Variants in COLEC10 observed in about 807,000 individuals in gnomAD.
COLEC10 encodes collectin-10.
A neutral mutation model predicts 28.4 loss-of-function variants in COLEC10; 22 were observed. That is an observed-to-expected ratio of 0.78 (90% CI 0.55 to 1.11). COLEC10 has a LOEUF of 1.11. Among genes scored for constraint, COLEC10 ranks in the 50% least tolerant of loss-of-function variants. COLEC10 has a pLI of 0.00. For missense variants in COLEC10, 361 were observed against 344.1 expected (o/e 1.05, Z -0.39); for synonymous variants, 125 against 116.1 (o/e 1.08, Z -0.49).
chr8:118,980,440 G>A, the COLEC10 span, among the ~76,000 whole-genome samples: 1 of 151,794 alleles, frequency 6.6e-6, no homozygotes, highest in Admixed American at 6.6e-5. Context: ...TGATCTGCCG[G>A]TCTCTTCCTC....
At chr8:119,100,204 G>C (rs1188600401) in intron 3 of COLEC10, among the ~76,000 whole-genome samples, 1 of 152,070 alleles carries the variant, frequency 6.6e-6, no homozygotes, top group Non-Finnish European at 1.5e-5. Context: ...CACCATGAAA[G>C]GGGGGTTAGA....
At chr8:119,011,763 CT>C (rs1219803069) in intron 2 of COLEC10, among the ~76,000 whole-genome samples, 1 of 150,766 alleles carries the variant, frequency 6.6e-6, no homozygotes, top group East Asian at 1.9e-4. Flanking sequence ...TTGTTTCTTG[CT>C]GGCATATAGA....
chr8:119,072,393 AG>A (rs1339881023), intron 1 of COLEC10, among the ~76,000 whole-genome samples: 1 of 152,096 alleles, frequency 6.6e-6, no homozygotes, highest in Non-Finnish European at 1.5e-5. Context: ...TTGAGCAAAA[AG>A]GTTTTATTAT....
chr8:119,067,245 G>A, upstream of COLEC10: 8 of 1,604,812 alleles, frequency 5.0e-6, no homozygotes, highest in Non-Finnish European at 6.8e-6. Flanking sequence ...TGTTTATTTG[G>A]CATTTCTGGG....
At chr8:119,050,084 C>T (rs930499892) in intron 2 of COLEC10, among the ~76,000 whole-genome samples, 2 of 152,100 alleles carry the variant, frequency 1.3e-5, no homozygotes, top group African/African-American at 2.4e-5. Flanking sequence ...AATAATAGTC[C>T]CTACTTGGCT....
At chr8:118,976,084 C>T in the COLEC10 span, among the ~76,000 whole-genome samples, 5 of 152,016 alleles carry the variant, frequency 3.3e-5, no homozygotes, top group African/African-American at 1.2e-4. Context: ...ACCTTAATTA[C>T]AGTTTCTAAG....
chr8:118,961,780 C>A, the COLEC10 span, among the ~76,000 whole-genome samples: 1 of 152,180 alleles, frequency 6.6e-6, no homozygotes. Flanking sequence ...TGGTTCTTGA[C>A]CTTTAAAGTC....
the COLEC10 span, among the ~76,000 whole-genome samples, chr8:118,977,561 G>A: frequency 1.4e-5 from 2 of 140,638 alleles, no homozygotes; most frequent in African/African-American, 5.4e-5. Flanking sequence ...GAGAACACAT[G>A]GACACAGGAA....
the COLEC10 span, among the ~76,000 whole-genome samples, chr8:118,955,025 C>T: frequency 2.6e-5 from 4 of 152,192 alleles, no homozygotes; most frequent in African/African-American, 9.6e-5. Context: ...TTGGAAATAC[C>T]GGTTCTGGTT....
intron 2 of COLEC10, among the ~76,000 whole-genome samples, chr8:119,043,033 G>A (rs187816975): frequency 5.9e-5 from 9 of 152,240 alleles, no homozygotes; most frequent in African/African-American, 1.9e-4. Context: ...AGGAACTTTG[G>A]AAATGTTAAG....
intron 1 of COLEC10, among the ~76,000 whole-genome samples, chr8:119,085,304 G>A (rs1473282804): frequency 1.3e-5 from 2 of 152,168 alleles, no homozygotes; most frequent in Non-Finnish European, 2.9e-5. Context: ...TCCCAATGAG[G>A]CCTGAAGATT....
At chr8:119,039,992 T>G (rs1330054034) in intron 2 of COLEC10, among the ~76,000 whole-genome samples, 1 of 152,160 alleles carries the variant, frequency 6.6e-6, no homozygotes, top group Admixed American at 6.5e-5. Context: ...TTCTGGAGAT[T>G]AGGGCATGGG....
chr8:119,017,489 C>T (rs1242672756), intron 2 of COLEC10, among the ~76,000 whole-genome samples: 2 of 152,156 alleles, frequency 1.3e-5, no homozygotes, highest in Non-Finnish European at 2.9e-5. Flanking sequence ...GAGAAGGATT[C>T]TGAGGCTGAA....
chr8:119,076,815 C>A (rs937380247), intron 1 of COLEC10, among the ~76,000 whole-genome samples: 1 of 152,192 alleles, frequency 6.6e-6, no homozygotes, highest in Non-Finnish European at 1.5e-5. Flanking sequence ...AGACCACATA[C>A]TGGGTGACCA....
At chr8:119,016,818 G>C (rs1442345116) in intron 2 of COLEC10, among the ~76,000 whole-genome samples, 1 of 152,140 alleles carries the variant, frequency 6.6e-6, no homozygotes, top group African/African-American at 2.4e-5. Context: ...CTGGGTTGAA[G>C]CAATTCTCCT....
intron 1 of COLEC10, among the ~76,000 whole-genome samples, chr8:119,082,160 G>A (rs1483814640): frequency 6.6e-6 from 1 of 152,150 alleles, no homozygotes; most frequent in Non-Finnish European, 1.5e-5. Context: ...GTAATATTGA[G>A]AGACAAAGGT....
intron 2 of COLEC10, among the ~76,000 whole-genome samples, chr8:119,056,428 C>A (rs1018416942): frequency 5.3e-5 from 8 of 152,062 alleles, no homozygotes; most frequent in African/African-American, 1.7e-4. Context: ...TGTCTTGTTT[C>A]ATCAGCTCTT....
intron 1 of COLEC10, among the ~76,000 whole-genome samples, chr8:119,000,634 A>C (rs796313385): frequency 1.8e-4 from 27 of 152,332 alleles, no homozygotes; most frequent in African/African-American, 6.5e-4. Flanking sequence ...ATGAATATTT[A>C]AAGAAAAGAA....
intron 5 of COLEC10, among the ~76,000 whole-genome samples, 153 bp from the exon 6 acceptor site, chr8:119,105,647 G>A (rs1815921935): frequency 6.6e-6 from 1 of 151,982 alleles, no homozygotes; most frequent in Non-Finnish European, 1.5e-5. Flanking sequence ...CTAGAGGTGG[G>A]GGTAATTAAA....
Sources: allele counts gnomAD v4.1 joint callset (sites outside exome capture counted in the v4.1 genomes callset), GRCh38; gene constraint gnomAD v4.1.1; transcripts MANE v1.5; gene names NCBI Gene and HGNC (gene_info 2026-07-23, HGNC 2026-07-21).